DCLK1: variants seen among roughly 807,000 people sequenced by gnomAD.
The protein encoded by DCLK1 is doublecortin like kinase 1, also known as serine/threonine-protein kinase DCLK1.
Under a neutral mutation model 86.2 loss-of-function variants are expected in DCLK1, and 16 were observed. That is an observed-to-expected ratio of 0.19 (90% CI 0.13 to 0.28). The LOEUF (loss-of-function observed/expected upper bound fraction) is 0.28, where lower values mean the gene tolerates loss of function less well. Among genes scored for constraint, DCLK1 ranks in the 10% least tolerant of loss-of-function variants. The pLI, the probability that DCLK1 is intolerant of heterozygous loss-of-function variation, is 1.00. For synonymous variants in DCLK1, 369 were observed against 370.5 expected (o/e 1.00, Z 0.05); for missense variants, 590 against 940.2 (o/e 0.63, Z 4.87).
chr13:36,037,476 GT>G (rs1882545796), intron 3 of DCLK1, among the ~76,000 whole-genome samples: 5 of 151,988 alleles, frequency 3.3e-5, no homozygotes, highest in Admixed American at 2.6e-4. Flanking sequence ...TTTTCTCGTG[GT>G]TTTTGTTTTG....
At chr13:35,936,229 C>T (rs1357137445) in intron 4 of DCLK1, among the ~76,000 whole-genome samples, 1 of 152,126 alleles carries the variant, frequency 6.6e-6, no homozygotes, top group Non-Finnish European at 1.5e-5. Context: ...ATATAGAACA[C>T]TGAATATAGT....
rs111449955 is a variant in DCLK1, at chr13:35,836,152, C to T, written c.1121-11G>A. 2.5e-6 allele frequency: 4 copies of T among 1,596,444 alleles called. No individual in the cohort carries two copies. Among genetic ancestry groups the T allele is most frequent in the East Asian group, 4.5e-5 (2 of 44,766 alleles). On this transcript the variant is annotated splice_polypyrimidine_tract_variant and intron_variant, in intron 7 of 16. Coordinates refer to ENST00000360631, the MANE Select transcript of DCLK1 (RefSeq NM_001330071.2). The stretch of plus-strand genomic sequence containing the variant: ...CTTCCTCCGACACTTCTGAAAGAAT[C>T]ATTAATACTTTTTTATTGGTTGAAA...
intron 11 of DCLK1, among the ~76,000 whole-genome samples, chr13:35,817,572 G>GTACAAGAAAGTTATCCCGTCC (rs2087299479): frequency 6.6e-6 from 1 of 152,060 alleles, no homozygotes; most frequent in Non-Finnish European, 1.5e-5. Context: ...GTCATATACA[G>GTACAAGAAAGTTATCCCGTCC]TACAAGAAAG....
intron 4 of DCLK1, among the ~76,000 whole-genome samples, chr13:35,921,037 G>T (rs953328231): frequency 6.6e-6 from 1 of 152,052 alleles, no homozygotes; most frequent in Admixed American, 6.5e-5. Flanking sequence ...ATTTTGAAGC[G>T]ACCTAACTGG....
chr13:35,865,607 T>C (rs1370112564), intron 5 of DCLK1, among the ~76,000 whole-genome samples: 2 of 152,252 alleles, frequency 1.3e-5, no homozygotes, highest in East Asian at 1.9e-4. Flanking sequence ...TTGACTCCTA[T>C]GCTTCTTGAG....
rs910730829 is a variant in DCLK1, at chr13:35,773,558, G to C, written c.*977C>G. ...ATGTGTGGATTTCATACTAGATGTAGATTGCACAGTGATGACCACAGTGCG... is the reference window on the plus strand; with the variant it reads ...ATGTGTGGATTTCATACTAGATGTACATTGCACAGTGATGACCACAGTGCG... On this transcript the variant is annotated 3_prime_UTR_variant, in exon 17 of 17. Coordinates refer to ENST00000360631, the MANE Select transcript of DCLK1 (RefSeq NM_001330071.2). 6.6e-6 allele frequency: 1 copy of C among 151,402 alleles called. No individual in the cohort carries two copies. The highest frequency in any genetic ancestry group is 6.6e-5 in the Admixed American group (1 of 15,082). 9.4% of individuals were successfully genotyped at this position (151,402 alleles called of 1,614,324 possible). A position where few individuals can be genotyped will look rare whatever the true frequency, so the allele number is the denominator to read the frequency against.
At chr13:36,045,939 T>G (rs1186139015) in intron 3 of DCLK1, among the ~76,000 whole-genome samples, 3 of 152,176 alleles carry the variant, frequency 2.0e-5, no homozygotes, top group Non-Finnish European at 1.5e-5. Flanking sequence ...ATCAACACTT[T>G]AACTTTCTTA....
rs547898716 is a variant in DCLK1, at chr13:36,004,794, T to C, written c.724-57337A>G. Among the ~76,000 whole-genome samples the C allele has an allele frequency of 2.6e-5, 4 of 152,244 alleles. No homozygotes were observed. In the South Asian group the frequency reaches 8.3e-4, roughly 32 times the overall value. On this transcript the variant is annotated intron_variant, in intron 3 of 16. Coordinates refer to ENST00000360631, the MANE Select transcript of DCLK1 (RefSeq NM_001330071.2). Reference sequence around the variant, plus strand: ...GGTTTTGCCATGTTGTCCAGGCTGGTCTCAAACTCTTGGGCTCAAGCGATC... The same window carrying C: ...GGTTTTGCCATGTTGTCCAGGCTGGCCTCAAACTCTTGGGCTCAAGCGATC...
chr13:35,803,246 TG>T (rs910340653), intron 15 of DCLK1, among the ~76,000 whole-genome samples: 15 of 152,162 alleles, frequency 9.9e-5, no homozygotes, highest in South Asian at 2.1e-4. Flanking sequence ...CTGCTTATCT[TG>T]TAGGCTTGTT....
At chr13:36,056,250 A>C (rs2153158137) in intron 3 of DCLK1, among the ~76,000 whole-genome samples, 1 of 98,704 alleles carries the variant, frequency 1.0e-5, no homozygotes, top group African/African-American at 4.0e-5. Context: ...GATTAAGAAA[A>C]TGTGGCACAT....
At chr13:35,951,511 C>T (rs369605542) in intron 3 of DCLK1, among the ~76,000 whole-genome samples, 10 of 150,860 alleles carry the variant, frequency 6.6e-5, no homozygotes, top group African/African-American at 2.4e-4. Flanking sequence ...GATTCAAGCC[C>T]TACCTTCTCT....
intron 2 of DCLK1, among the ~76,000 whole-genome samples, chr13:36,122,824 A>G (rs1478291260): frequency 6.6e-6 from 1 of 152,198 alleles, no homozygotes; most frequent in Non-Finnish European, 1.5e-5. Flanking sequence ...TGCATAGGTG[A>G]CACACATACA....
At chr13:35,846,444 G>A in intron 6 of DCLK1, 1 of 985,010 alleles carries the variant, frequency 1.0e-6, no homozygotes, top group Non-Finnish European at 1.2e-6. Context: ...CAAACACTCA[G>A]GTATTACATG....
intron 3 of DCLK1, among the ~76,000 whole-genome samples, chr13:36,080,969 C>T (rs1053174147): frequency 2.0e-5 from 3 of 152,068 alleles, no homozygotes; most frequent in Admixed American, 2.0e-4. Flanking sequence ...AAACATTCTG[C>T]CTTGCACAGG....
At chr13:36,012,160 A>G (rs1158849870) in intron 3 of DCLK1, among the ~76,000 whole-genome samples, 1 of 138,538 alleles carries the variant, frequency 7.2e-6, no homozygotes, top group Non-Finnish European at 1.5e-5. Flanking sequence ...CAGCACACTG[A>G]TGGGTCTTGA....
At chr13:36,055,840 C>T (rs1369673351) in intron 3 of DCLK1, among the ~76,000 whole-genome samples, 1 of 152,048 alleles carries the variant, frequency 6.6e-6, no homozygotes, top group African/African-American at 2.4e-5. Context: ...TATAAAAAGG[C>T]ATAAACTTTT....
Position 35,769,524 on chromosome 13 carries a change from A to AT in DCLK1, c.*5010dup. On this transcript the variant is annotated 3_prime_UTR_variant, in exon 17 of 17. Transcript: ENST00000360631. ...CTTGGACCAGTTTCAATTTCTTTTT[A>AT]TTTTTTCTGAGAATACACCAAAGAT... The AT allele has an allele frequency of 6.6e-6, 1 of 152,074 alleles. No homozygotes were observed. The highest frequency in any genetic ancestry group is 2.4e-5 in the African/African-American group (1 of 41,494). 9.4% of individuals were successfully genotyped at this position (152,074 alleles called of 1,614,324 possible).
chr13:35,805,124 C>T (rs1176718753), intron 15 of DCLK1, among the ~76,000 whole-genome samples: 11 of 152,090 alleles, frequency 7.2e-5, no homozygotes, highest in African/African-American at 9.7e-5. Flanking sequence ...TAATCTGGAC[C>T]GCAGAAAGCA....
intron 4 of DCLK1, among the ~76,000 whole-genome samples, chr13:35,914,627 G>A (rs1486461604): frequency 6.7e-6 from 1 of 150,074 alleles, no homozygotes; most frequent in Non-Finnish European, 1.5e-5. Context: ...GAGACACAAT[G>A]ATCCCTTGAG....
Sources: allele counts gnomAD v4.1 joint callset (sites outside exome capture counted in the v4.1 genomes callset), GRCh38; gene constraint gnomAD v4.1.1; transcripts MANE v1.5; gene names NCBI Gene and HGNC (gene_info 2026-07-23, HGNC 2026-07-21).